The following NFAT5 variants were observed in gnomAD, a reference collection of about 807,000 sequenced individuals.
The protein encoded by NFAT5 is nuclear factor of activated T cells 5, also known as nuclear factor of activated T-cells 5.
Under a neutral mutation model 166.5 loss-of-function variants are expected in NFAT5, and 31 were observed. That is an observed-to-expected ratio of 0.19 (90% CI 0.14 to 0.25). The LOEUF (loss-of-function observed/expected upper bound fraction) is 0.25. Among genes scored for constraint, NFAT5 ranks in the 10% least tolerant of loss-of-function variants. The probability of loss-of-function intolerance (pLI) is 1.00; values close to 1 mark genes in which losing one functional copy is unlikely to be tolerated. For synonymous variants in NFAT5, 612 were observed against 639.7 expected (o/e 0.96, Z 0.65); for missense variants, 1,449 against 1,821.8 (o/e 0.80, Z 3.72).
At chr16:69,680,542 T>C (rs1376960822) in intron 10 of NFAT5, among the ~76,000 whole-genome samples, 1 of 152,174 alleles carries the variant, frequency 6.6e-6, no homozygotes, top group East Asian at 1.9e-4. Flanking sequence ...TTGCCTAATT[T>C]TGGCCATTCT....
Position 69,693,114 on chromosome 16 carries a change from G to A in NFAT5, c.3289G>A (p.Ala1097Thr). The change falls in exon 13 of 15, where the codon GCC becomes ACC. Residue 1097 changes from alanine to threonine, a missense_variant. By Grantham distance (58) the Ala-to-Thr change is moderately conservative (BLOSUM62 0). Coordinates refer to ENST00000349945, the MANE Select transcript of NFAT5 (RefSeq NM_138713.4). ...AQLFHPQNPI[A>T]DAQNLSQETQ... is the part of the protein sequence containing the mutation. ...ACTTTTTCATCCTCAAAATCCTATTGCCGATGCTCAGAACCTTTCCCAGGA... is the reference window on the plus strand; with the variant it reads ...ACTTTTTCATCCTCAAAATCCTATTACCGATGCTCAGAACCTTTCCCAGGA... 3 of 1,613,988 alleles carry A rather than the reference G, an allele frequency of 1.9e-6. No homozygotes were observed. Among genetic ancestry groups the A allele is most frequent in the South Asian group, 2.2e-5 (2 of 91,058 alleles).
chr16:69,598,465 A>G (rs2032936592), intron 2 of NFAT5, among the ~76,000 whole-genome samples: 1 of 152,084 alleles, frequency 6.6e-6, no homozygotes, highest in Admixed American at 6.6e-5. Flanking sequence ...GAAGTATAAA[A>G]AGACTCACCA....
intron 2 of NFAT5, among the ~76,000 whole-genome samples, chr16:69,612,701 C>T (rs571357009): frequency 1.3e-5 from 2 of 150,914 alleles, no homozygotes; most frequent in South Asian, 4.2e-4. Flanking sequence ...TACACAGAGA[C>T]ACACACACAC....
chr16:69,593,553 G>A (rs1029526724), intron 2 of NFAT5, among the ~76,000 whole-genome samples: 14 of 151,462 alleles, frequency 9.2e-5, no homozygotes, highest in Non-Finnish European at 1.8e-4. Context: ...GGGCTCAAGT[G>A]ATCCTCCTGC....
At chr16:69,572,457 T>G (rs1161140011) in intron 2 of NFAT5, among the ~76,000 whole-genome samples, 1 of 152,116 alleles carries the variant, frequency 6.6e-6, no homozygotes, top group Non-Finnish European at 1.5e-5. Context: ...TTTTTTTAAA[T>G]AAAATTGTTT....
At chr16:69,666,804 C>T (rs2036400736) in intron 7 of NFAT5, among the ~76,000 whole-genome samples, 1 of 151,868 alleles carries the variant, frequency 6.6e-6, no homozygotes, top group South Asian at 2.1e-4. Flanking sequence ...CCATTTGACC[C>T]AGCCATCCCA....
intron 2 of NFAT5, among the ~76,000 whole-genome samples, chr16:69,585,708 A>G (rs2032013354): frequency 6.6e-6 from 1 of 152,214 alleles, no homozygotes; most frequent in Admixed American, 6.5e-5. Flanking sequence ...AACATACGCA[A>G]AGTGAAATAA....
chr16:69,644,073 C>T (rs1265934436), intron 3 of NFAT5, among the ~76,000 whole-genome samples: 1 of 152,012 alleles, frequency 6.6e-6, no homozygotes, highest in Non-Finnish European at 1.5e-5. Flanking sequence ...ATTGCTTGAG[C>T]CCAAGAATTT....
chr16:69,604,379 C>A (rs528011652), intron 2 of NFAT5, among the ~76,000 whole-genome samples: 2 of 152,226 alleles, frequency 1.3e-5, no homozygotes, highest in Middle Eastern at 6.8e-3. Flanking sequence ...TGGCATATTC[C>A]ACCTGGTAGT....
At chr16:69,682,514 G>T (rs2151697875) in intron 10 of NFAT5, among the ~76,000 whole-genome samples, 1 of 151,974 alleles carries the variant, frequency 6.6e-6, no homozygotes, top group Non-Finnish European at 1.5e-5. Context: ...CAGCTACTTG[G>T]GAGGCTGAGG....
chr16:69,685,320 G>A (rs1423452127), intron 11 of NFAT5: 1 of 151,546 alleles, frequency 6.6e-6, no homozygotes, highest in Non-Finnish European at 1.5e-5. Flanking sequence ...GCCGAGTCAG[G>A]TAGATCATTT....
At chr16:69,629,390 G>A (rs1225441153) in intron 3 of NFAT5, among the ~76,000 whole-genome samples, 1 of 152,020 alleles carries the variant, frequency 6.6e-6, no homozygotes, top group Non-Finnish European at 1.5e-5. Context: ...ATATGATGCT[G>A]CTAATCCACA....
rs1288385862 is a variant in NFAT5, at chr16:69,703,263, A to G, written c.*6912A>G. On this transcript the variant is annotated 3_prime_UTR_variant, in exon 15 of 15. Coordinates refer to ENST00000349945, the MANE Select transcript of NFAT5 (RefSeq NM_138713.4). ...TGGCACCTTAACTTATTTTTTTAAT[A>G]GGTAAAACTTCTTCAAAAGTAGCTT... 2 of 152,624 alleles carry G rather than the reference A, an allele frequency of 1.3e-5. No homozygotes were observed. The highest frequency in any genetic ancestry group is 2.9e-5 in the Non-Finnish European group (2 of 68,036). 9.5% of individuals were successfully genotyped at this position (152,624 alleles called of 1,614,324 possible).
chr16:69,626,499 G>T lies in NFAT5; in HGVS notation c.224G>T (p.Gly75Val), dbSNP rs1025156230. The T allele has an allele frequency of 1.3e-5, 21 of 1,573,044 alleles. No individual in the cohort carries two copies. The highest frequency in any genetic ancestry group is 1.6e-5 in the Non-Finnish European group (19 of 1,161,826). The change falls in exon 3 of 15, where the codon GGC (glycine) becomes GTC (valine). Residue 75 changes from glycine (G) to valine (V), a missense_variant. Around this residue, in one of 7 missense-constraint regions of NFAT5, gnomAD observed 172 missense variants for 194.5 expected, o/e 0.88. Transcript: ENST00000349945. ...AGTCAGACAAGCGGTGGTGAGGCAG[G>T]CTCGCCTCCTCCAGCTGTTGTTGCT... ...SMSQTSGGEAGSPPPAVVAAD... is the reference protein window; with the variant it reads ...SMSQTSGGEAVSPPPAVVAAD...
At chr16:69,617,770 G>A (rs192039618) in intron 2 of NFAT5, among the ~76,000 whole-genome samples, 21 of 152,178 alleles carry the variant, frequency 1.4e-4, no homozygotes, top group African/African-American at 4.6e-4. Context: ...TGGATTACAG[G>A]CATGAGCCAC....
At chr16:69,650,533 C>G (rs572172377) in intron 4 of NFAT5, among the ~76,000 whole-genome samples, 1 of 152,078 alleles carries the variant, frequency 6.6e-6, no homozygotes. Context: ...CAAGTGAGAT[C>G]ATTTGTTTTG....
At chr16:69,683,774 C>T (rs2037169017) in intron 10 of NFAT5, among the ~76,000 whole-genome samples, 1 of 151,770 alleles carries the variant, frequency 6.6e-6, no homozygotes, top group African/African-American at 2.4e-5. Flanking sequence ...TTGGCCAGCA[C>T]GGTGAAACCC....
chr16:69,687,437 A>AG (rs560718074), intron 11 of NFAT5, among the ~76,000 whole-genome samples: 2 of 57,462 alleles, frequency 3.5e-5, no homozygotes, highest in Non-Finnish European at 6.4e-5. Flanking sequence ...CAAGACTCTG[A>AG]AAAAAAAAAA....
At chr16:69,616,208 C>T (rs191354597) in intron 2 of NFAT5, among the ~76,000 whole-genome samples, 1 of 152,170 alleles carries the variant, frequency 6.6e-6, no homozygotes, top group East Asian at 1.9e-4. Flanking sequence ...GCTCAGGCTC[C>T]AAGGCCTCAC....
Sources: gnomAD v4.1 joint callset for allele counts (sites outside exome capture counted in the v4.1 genomes callset) on GRCh38, gnomAD v4.1.1 for gene constraint, gnomAD v4.1.1 regional missense constraint, MANE v1.5 for transcripts, NCBI Gene and HGNC (gene_info 2026-07-23, HGNC 2026-07-21) for gene names.